The following CAMK2D variants were observed in gnomAD, a reference collection of about 807,000 sequenced individuals.
CAMK2D encodes calcium/calmodulin dependent protein kinase II delta.
A neutral mutation model predicts 84.0 loss-of-function variants in CAMK2D; 37 were observed. The ratio of observed to expected loss-of-function variants is 0.44; its 90% CI spans 0.34 to 0.58. The LOEUF (loss-of-function observed/expected upper bound fraction) is 0.58, where lower values mean the gene tolerates loss of function less well. Ranked by LOEUF, CAMK2D falls within the 20% of genes least tolerant of loss-of-function variation. The pLI is 0.02. For synonymous variants in CAMK2D, 202 were observed against 212.5 expected (o/e 0.95, Z 0.43); for missense variants, 448 against 652.5 (o/e 0.69, Z 3.41).
intron 16 of CAMK2D, among the ~76,000 whole-genome samples, chr4:113,479,176 T>C (rs1009802742): frequency 3.9e-5 from 6 of 152,220 alleles, no homozygotes; most frequent in Admixed American, 1.3e-4. Flanking sequence ...AAAAGGGACA[T>C]TATATGTTAT....
chr4:113,588,786 A>G (rs1015808054), intron 4 of CAMK2D, among the ~76,000 whole-genome samples: 1 of 152,192 alleles, frequency 6.6e-6, no homozygotes. Context: ...TGATCAAAAG[A>G]GAAAAAAGTC....
chr4:113,645,445 GACAAAGAGGTAGC>G (rs576945964), intron 3 of CAMK2D, among the ~76,000 whole-genome samples: 66 of 152,306 alleles, frequency 4.3e-4, no homozygotes, highest in South Asian at 2.3e-3. Flanking sequence ...GTGCTACAAT[GACAAAGAGGTAGC>G]ACTGCCAGCA....
At chr4:113,655,810 T>C (rs1379774936) in intron 3 of CAMK2D, among the ~76,000 whole-genome samples, 2 of 152,102 alleles carry the variant, frequency 1.3e-5, no homozygotes, top group East Asian at 1.9e-4. Context: ...GGCCCAGCTG[T>C]TTTTGGACTC....
chr4:113,717,499 T>C (rs2099517212), intron 2 of CAMK2D, among the ~76,000 whole-genome samples: 2 of 152,158 alleles, frequency 1.3e-5, no homozygotes, highest in Admixed American at 6.5e-5. Context: ...AAGCTTGAGT[T>C]ATAAATATAT....
chr4:113,631,023 T>C (rs2099087466), intron 3 of CAMK2D, among the ~76,000 whole-genome samples: 3 of 152,154 alleles, frequency 2.0e-5, no homozygotes, highest in Non-Finnish European at 1.5e-5. Flanking sequence ...ATTTCAGAAG[T>C]GACAGGGACT....
chr4:113,631,850 A>C (rs2099091044), intron 3 of CAMK2D, among the ~76,000 whole-genome samples: 1 of 152,160 alleles, frequency 6.6e-6, no homozygotes, highest in Non-Finnish European at 1.5e-5. Flanking sequence ...GATGATGAGC[A>C]TGCTTTACTA....
intron 2 of CAMK2D, among the ~76,000 whole-genome samples, chr4:113,745,452 C>A (rs1034871803): frequency 2.6e-5 from 4 of 152,168 alleles, no homozygotes; most frequent in African/African-American, 9.7e-5. Context: ...CCATAATTAT[C>A]TATGTATGTC....
chr4:113,592,378 C>G (rs1380266999), intron 4 of CAMK2D, among the ~76,000 whole-genome samples: 1 of 152,198 alleles, frequency 6.6e-6, no homozygotes, highest in African/African-American at 2.4e-5. Flanking sequence ...TGACAGTCCA[C>G]AGATATTGTC....
chr4:113,723,423 C>A (rs1016039106), intron 2 of CAMK2D, among the ~76,000 whole-genome samples: 2 of 152,058 alleles, frequency 1.3e-5, no homozygotes, highest in Non-Finnish European at 2.9e-5. Flanking sequence ...GGGGTTTCAT[C>A]ATGTTGGCCA....
In CAMK2D at chr4:113,493,473, T is replaced by C. The variant is rs367788156; in HGVS notation, c.1135+6990A>G. Among the ~76,000 whole-genome samples the C allele has an allele frequency of 2.6e-4, 39 of 152,224 alleles. No homozygotes were observed. In the East Asian group the frequency reaches 7.2e-3, roughly 28 times the overall value. ...TTTAAGAATGTTGAATATTGGCCCC[T>C]ACTCTCTTCTGGCTTGTAGGGTTTC... On this transcript the variant is annotated intron_variant, in intron 16 of 20. Coordinates refer to ENST00000511664, the MANE Select transcript of CAMK2D (RefSeq NM_001321571.2).
intron 2 of CAMK2D, among the ~76,000 whole-genome samples, chr4:113,718,916 T>G (rs2099521920): frequency 6.6e-6 from 1 of 152,130 alleles, no homozygotes; most frequent in South Asian, 2.1e-4. Context: ...TGACAAATTT[T>G]TTTGAGAAAG....
In CAMK2D at chr4:113,731,882, C is replaced by T. The variant is rs867058154; in HGVS notation, c.160+27438G>A. On this transcript the variant is annotated intron_variant, in intron 2 of 20. Coordinates refer to ENST00000511664, the MANE Select transcript of CAMK2D (RefSeq NM_001321571.2). ...TACAGGTGTGAGCCACCGCACCCAGCCTATTGCTCTTTTTATATGGCCCTC... is the reference window on the plus strand; with the variant it reads ...TACAGGTGTGAGCCACCGCACCCAGTCTATTGCTCTTTTTATATGGCCCTC... Among the ~76,000 whole-genome samples the T allele has an allele frequency of 4.4e-4, 67 of 152,260 alleles. 1 individual carries two copies. Among genetic ancestry groups the T allele is most frequent in the African/African-American group, 1.5e-3 (64 of 41,546 alleles).
At chr4:113,673,460 A>C (rs769430808) in intron 2 of CAMK2D, among the ~76,000 whole-genome samples, 21 of 152,204 alleles carry the variant, frequency 1.4e-4, no homozygotes, top group Non-Finnish European at 2.8e-4. Flanking sequence ...GTAATCCCAA[A>C]AGTGGGGTGT....
At chr4:113,749,197 T>C (rs1562212920) in intron 2 of CAMK2D, among the ~76,000 whole-genome samples, 1 of 151,672 alleles carries the variant, frequency 6.6e-6, no homozygotes, top group Non-Finnish European at 1.5e-5. Context: ...GAATAGGTAT[T>C]AGAAATATGT....
chr4:113,759,306 T>C lies in CAMK2D; in HGVS notation c.160+14A>G, dbSNP rs1461734427. The C allele has an allele frequency of 1.1e-5, 17 of 1,554,966 alleles. No individual in the cohort carries two copies. Among genetic ancestry groups the C allele is most frequent in the Non-Finnish European group, 1.4e-5 (16 of 1,129,900 alleles). ...ATACAAAATTAACCAATATATGTGG[T>C]TGAAAATACCCACCCCTAGCAGAAA... On this transcript the variant is annotated intron_variant, in intron 2 of 20. Transcript: ENST00000511664.
At chr4:113,687,829 T>C (rs2099364407) in intron 2 of CAMK2D, among the ~76,000 whole-genome samples, 1 of 152,244 alleles carries the variant, frequency 6.6e-6, no homozygotes. Context: ...GCACCCTACC[T>C]GTTTCCTACA....
At chr4:113,732,944 T>G (rs527624601) in intron 2 of CAMK2D, among the ~76,000 whole-genome samples, 1 of 152,316 alleles carries the variant, frequency 6.6e-6, no homozygotes, top group East Asian at 1.9e-4. Flanking sequence ...GTCAGTTATT[T>G]CATAATTTCC....
intron 15 of CAMK2D, among the ~76,000 whole-genome samples, chr4:113,501,328 T>G (rs959772287): frequency 1.3e-5 from 2 of 152,000 alleles, no homozygotes; most frequent in African/African-American, 4.8e-5. Context: ...AATGTGCTCA[T>G]TAATAATGTA....
chr4:113,626,776 C>A (rs1395191409), intron 3 of CAMK2D, among the ~76,000 whole-genome samples: 1 of 152,140 alleles, frequency 6.6e-6, no homozygotes, highest in Non-Finnish European at 1.5e-5. Flanking sequence ...AATCCACCAG[C>A]ATCTAACTTT....
Sources: allele counts gnomAD v4.1 joint callset (sites outside exome capture counted in the v4.1 genomes callset), GRCh38; gene constraint gnomAD v4.1.1; transcripts MANE v1.5; gene names NCBI Gene and HGNC (gene_info 2026-07-23, HGNC 2026-07-21).